Variants in SEMA3A observed in about 807,000 individuals in gnomAD.
The protein encoded by SEMA3A is semaphorin-3A.
In SEMA3A, 29 loss-of-function variants were observed where a neutral mutation model predicts 97.9. The ratio of observed to expected loss-of-function variants is 0.30; its 90% confidence interval spans 0.22 to 0.40. The LOEUF is 0.40. Ranked by LOEUF, SEMA3A falls within the 10% of genes least tolerant of loss-of-function variation. The pLI is 1.00. For missense variants in SEMA3A, 763 were observed against 951.3 expected (o/e 0.80, Z 2.60); for synonymous variants, 321 against 323.7 (o/e 0.99, Z 0.09).
At chr7:84,364,382 A>C (rs1802796926) in intron 2 of SEMA3A, among the ~76,000 whole-genome samples, 1 of 151,792 alleles carries the variant, frequency 6.6e-6, no homozygotes. Context: ...TAAAACTTTT[A>C]ATTGTGTTAT....
Position 83,957,133 on chromosome 7 carries a change from A to C in SEMA3A, c.*4238T>G, listed in dbSNP as rs1207564348. On this transcript the variant is annotated 3_prime_UTR_variant, in exon 17 of 17. Coordinates refer to ENST00000265362, the MANE Select transcript of SEMA3A (RefSeq NM_006080.3). ...ATGGAAACATAAACAAATAAATCAC[A>C]CATTGGGGTAGTGTGACAATAAAAG... The C allele has an allele frequency of 6.6e-6, 1 of 152,250 alleles. No individual in the cohort carries two copies. The allele number at this position is 152,250 out of a possible 1,614,324, so 9.4% of individuals were successfully genotyped here.
Position 84,064,537 on chromosome 7 carries a change from G to C in SEMA3A, c.454-3979C>G, listed in dbSNP as rs1488829886. 2.6e-5 allele frequency among the ~76,000 whole-genome samples: 4 copies of C among 152,076 alleles called. No individual in the cohort carries two copies. The East Asian group carries it at 7.8e-4, about 29-fold the overall frequency. On this transcript the variant is annotated intron_variant, in intron 4 of 16. Transcript: ENST00000265362. The stretch of plus-strand genomic sequence containing the variant: ...ACTCAGGAAACCCATCTCACGTGCA[G>C]AGACACACATAGGCTCAAAATAAAA...
intron 3 of SEMA3A, among the ~76,000 whole-genome samples, chr7:84,120,578 C>T (rs753826581): frequency 5.9e-5 from 9 of 152,074 alleles, no homozygotes; most frequent in Non-Finnish European, 1.3e-4. Context: ...ATATGAAAAT[C>T]TATGCTCATA....
chr7:84,317,422 C>T (rs570165551), intron 2 of SEMA3A, among the ~76,000 whole-genome samples: 20 of 152,302 alleles, frequency 1.3e-4, no homozygotes, highest in Admixed American at 1.2e-3. Flanking sequence ...GTCCATCACC[C>T]TATCTAGGTG....
At chr7:84,321,799 C>A (rs1407071737) in intron 2 of SEMA3A, among the ~76,000 whole-genome samples, 1 of 134,604 alleles carries the variant, frequency 7.4e-6, no homozygotes, top group Admixed American at 8.2e-5. Flanking sequence ...TCGTGTGAAC[C>A]GGGGAGGCAG....
At chr7:84,150,391 C>T (rs557862006) in intron 1 of SEMA3A, among the ~76,000 whole-genome samples, 72 of 152,222 alleles carry the variant, frequency 4.7e-4, no homozygotes, top group Middle Eastern at 6.8e-3. Flanking sequence ...GCACACTGTG[C>T]GCGAGCCGAA....
intron 6 of SEMA3A, among the ~76,000 whole-genome samples, chr7:84,040,671 A>G (rs1792104944): frequency 6.6e-6 from 1 of 152,056 alleles, no homozygotes; most frequent in Non-Finnish European, 1.5e-5. Flanking sequence ...ATGTCACTGC[A>G]CACAGGAACC....
chr7:84,171,418 G>A (rs1797378930), intron 1 of SEMA3A, among the ~76,000 whole-genome samples: 1 of 152,052 alleles, frequency 6.6e-6, no homozygotes, highest in African/African-American at 2.4e-5. Flanking sequence ...TTAGAAATAG[G>A]TGAAGCTTCT....
At chr7:83,982,250 T>G (rs1367155178) in intron 13 of SEMA3A, among the ~76,000 whole-genome samples, 6 of 152,186 alleles carry the variant, frequency 3.9e-5, no homozygotes, top group Non-Finnish European at 7.3e-5. Context: ...ACTTCCTTAT[T>G]AAAATGAGCA....
Position 84,095,976 on chromosome 7 carries a change from T to A in SEMA3A, c.453+14494A>T, listed in dbSNP as rs542589913. On this transcript the variant is annotated intron_variant, in intron 4 of 16. Transcript: ENST00000265362. The stretch of plus-strand genomic sequence containing the variant: ...ACATTTCCCCTGAAATTACATAATA[T>A]AGTTTATAATCAGACAATTTATGCA... Among the ~76,000 whole-genome samples, 5 of 152,190 alleles carry A rather than the reference T, an allele frequency of 3.3e-5. No homozygotes were observed. The South Asian group carries it at 8.3e-4, about 25-fold the overall frequency.
At chr7:84,073,725 A>G (rs950824912) in intron 4 of SEMA3A, among the ~76,000 whole-genome samples, 4 of 152,128 alleles carry the variant, frequency 2.6e-5, no homozygotes, top group African/African-American at 9.7e-5. Flanking sequence ...TTCATGCATT[A>G]TGGCCGTTTA....
intron 2 of SEMA3A, among the ~76,000 whole-genome samples, chr7:84,313,346 ATGTG>A (rs372160973): frequency 0.097 from 3,154 of 32,428 alleles, 154 homozygotes; most frequent in Non-Finnish European, 0.13. Flanking sequence ...ATATATGTAT[ATGTG>A]TGTGTGTATA....
chr7:84,346,728 A>G lies in SEMA3A; in HGVS notation c.-169+25096T>C, dbSNP rs1802309018. Among the ~76,000 whole-genome samples the G allele has an allele frequency of 1.3e-5, 2 of 152,212 alleles. 1 individual carries two copies. Among genetic ancestry groups the G allele is most frequent in the Non-Finnish European group, 2.9e-5 (2 of 68,038 alleles). ...AGATTACTGATCACAGATCAACAAA[A>G]CAACTATAATAATAGGGAAAAACTT... On this transcript the variant is annotated intron_variant, in intron 2 of 3. Coordinates refer to the SEMA3A transcript ENST00000424555.
intron 1 of SEMA3A, among the ~76,000 whole-genome samples, chr7:84,375,492 T>C (rs1040595296): frequency 6.6e-6 from 1 of 152,196 alleles, no homozygotes; most frequent in Non-Finnish European, 1.5e-5. Flanking sequence ...AATTATTTCA[T>C]TTGATCTATA....
At chr7:84,219,844 T>G (rs947415921) in intron 3 of SEMA3A, among the ~76,000 whole-genome samples, 31 of 152,156 alleles carry the variant, frequency 2.0e-4, no homozygotes, top group African/African-American at 7.2e-4. Flanking sequence ...CTAAACCGCA[T>G]GAACCAACCC....
chr7:84,054,320 T>A (rs1418706287), intron 5 of SEMA3A, among the ~76,000 whole-genome samples: 42 of 152,352 alleles, frequency 2.8e-4, no homozygotes, highest in African/African-American at 1.0e-3. Context: ...TCCAACTTGG[T>A]TCCATTCTCC....
chr7:84,159,186 A>C (rs1043726331), intron 1 of SEMA3A, among the ~76,000 whole-genome samples: 1 of 152,194 alleles, frequency 6.6e-6, no homozygotes, highest in African/African-American at 2.4e-5. Context: ...ACTATCTGCC[A>C]CTGTACATAG....
chr7:84,122,041 A>G (rs1017081236), intron 3 of SEMA3A, among the ~76,000 whole-genome samples: 1 of 151,070 alleles, frequency 6.6e-6, no homozygotes, highest in African/African-American at 2.4e-5. Context: ...ATACCCAGTA[A>G]TGAGATGGCT....
At chr7:84,092,629 T>C (rs1271144388) in intron 4 of SEMA3A, among the ~76,000 whole-genome samples, 16 of 152,170 alleles carry the variant, frequency 1.1e-4, no homozygotes, top group Non-Finnish European at 1.6e-4. Context: ...TTCTATTCTA[T>C]TTTAAGCAAA....
Sources: allele counts gnomAD v4.1 joint callset (sites outside exome capture counted in the v4.1 genomes callset), GRCh38; gene constraint gnomAD v4.1.1; transcripts MANE v1.5; gene names NCBI Gene and HGNC (gene_info 2026-07-23, HGNC 2026-07-21).